SCG5: variants seen among roughly 807,000 people sequenced by gnomAD.
The protein encoded by SCG5 is neuroendocrine protein 7B2.
SCG5 carries 18 observed loss-of-function variants against 25.7 expected under a neutral mutation model. The observed-to-expected ratio is 0.70, with a 90% CI of 0.48 to 1.04. The LOEUF is 1.04. Ranked by LOEUF, SCG5 falls within the 50% of genes least tolerant of loss-of-function variation. SCG5 has a pLI of 0.00. For missense variants in SCG5, 206 were observed against 259.8 expected (o/e 0.79, Z 1.42); for synonymous variants, 101 against 91.7 (o/e 1.10, Z -0.58).
intron 2 of SCG5, chr15:32,669,000 C>G (rs1265681879): frequency 6.6e-6 from 1 of 152,184 alleles, no homozygotes; most frequent in Non-Finnish European, 1.5e-5. Flanking sequence ...TTTTCCTTAC[C>G]TGGGAACCCG....
intron 5 of SCG5, 51 bp downstream of exon 5, chr15:32,691,814 T>G: frequency 6.3e-7 from 1 of 1,599,836 alleles, no homozygotes; most frequent in Non-Finnish European, 8.5e-7. Context: ...GCTTTCTGAG[T>G]GGGGCAGTGA....
chr15:32,650,223 G>A (rs1437207553), intron 2 of SCG5, among the ~76,000 whole-genome samples: 2 of 151,968 alleles, frequency 1.3e-5, no homozygotes, highest in Non-Finnish European at 2.9e-5. Context: ...TCAGCCTCGC[G>A]AGTAGCTGGG....
chr15:32,681,126 T>C (rs1487241459), intron 3 of SCG5, among the ~76,000 whole-genome samples: 1 of 152,174 alleles, frequency 6.6e-6, no homozygotes, highest in Non-Finnish European at 1.5e-5. Flanking sequence ...ATAATGCACC[T>C]CTTACCTTGG....
intron 3 of SCG5, among the ~76,000 whole-genome samples, chr15:32,682,495 C>T (rs576904673): frequency 1.0e-3 from 158 of 152,294 alleles, no homozygotes; most frequent in African/African-American, 3.4e-3. Context: ...AACACAAAAT[C>T]ATACAGACCT....
intron 2 of SCG5, among the ~76,000 whole-genome samples, chr15:32,645,954 G>A (rs2053937186): frequency 6.6e-6 from 1 of 152,076 alleles, no homozygotes; most frequent in Non-Finnish European, 1.5e-5. Context: ...CTGAGTAGCT[G>A]TTTACAGGCG....
intron 1 of SCG5, 64 bp from the exon 2 acceptor site, chr15:32,643,522 A>G: frequency 3.1e-6 from 4 of 1,293,304 alleles, no homozygotes; most frequent in Non-Finnish European, 1.1e-6. Flanking sequence ...TTGCATCATT[A>G]TAATTGTATT....
At chr15:32,643,058 G>A (rs568066677) in intron 1 of SCG5, among the ~76,000 whole-genome samples, 2 of 152,234 alleles carry the variant, frequency 1.3e-5, no homozygotes, top group African/African-American at 2.4e-5. Context: ...TTTCAGGATC[G>A]CAAACGTATT....
At chr15:32,663,565 T>C (rs1269393576) in intron 2 of SCG5, among the ~76,000 whole-genome samples, 3 of 152,112 alleles carry the variant, frequency 2.0e-5, no homozygotes. Flanking sequence ...GAAAACTACG[T>C]AGAACAATAC....
intron 2 of SCG5, among the ~76,000 whole-genome samples, chr15:32,664,607 G>T (rs1293813246): frequency 6.6e-6 from 1 of 152,182 alleles, no homozygotes; most frequent in South Asian, 2.1e-4. Flanking sequence ...GAAAAGTTAG[G>T]TTCCAGGCCT....
intron 4 of SCG5, among the ~76,000 whole-genome samples, chr15:32,690,422 T>G (rs1200290928): frequency 6.6e-6 from 1 of 152,234 alleles, no homozygotes; most frequent in African/African-American, 2.4e-5. Flanking sequence ...AACCACAGAC[T>G]GTAGAGAATG....
At chr15:32,669,973 C>T (rs1218844255) in intron 2 of SCG5, among the ~76,000 whole-genome samples, 1 of 152,152 alleles carries the variant, frequency 6.6e-6, no homozygotes, top group Admixed American at 6.5e-5. Flanking sequence ...AACAACTCTG[C>T]TTGTGATCCT....
At chr15:32,691,839 T>C in intron 5 of SCG5, 76 bp downstream of exon 5, 1 of 1,569,900 alleles carries the variant, frequency 6.4e-7, no homozygotes, top group Non-Finnish European at 8.6e-7. Context: ...GCTGAAACCC[T>C]CGCTTGTTGG....
intron 2 of SCG5, among the ~76,000 whole-genome samples, chr15:32,655,490 C>T (rs1301721092): frequency 6.6e-6 from 1 of 152,108 alleles, no homozygotes; most frequent in East Asian, 1.9e-4. Flanking sequence ...CTGGTGGGTG[C>T]CCCCAAGCTA....
intron 2 of SCG5, among the ~76,000 whole-genome samples, chr15:32,660,355 A>G (rs1221475210): frequency 6.6e-6 from 1 of 152,198 alleles, no homozygotes; most frequent in African/African-American, 2.4e-5. Flanking sequence ...CACCCAGGCC[A>G]TCTTCTGACA....
chr15:32,671,581 G>T (rs931376754), intron 2 of SCG5, among the ~76,000 whole-genome samples: 5 of 152,098 alleles, frequency 3.3e-5, no homozygotes, highest in African/African-American at 7.2e-5. Flanking sequence ...CTGCCTGAGT[G>T]CTTACTGAGA....
In SCG5 at chr15:32,643,805, C is replaced by G. The variant is rs749667874; in HGVS notation, c.213C>G (p.Pro71=). The G allele has an allele frequency of 6.8e-6, 11 of 1,613,440 alleles. No homozygotes were observed. In the South Asian group the frequency reaches 1.2e-4, roughly 18 times the overall value. ...PAHQAMNLVG[P]QSIEGGAHEG... ...ACCAGGCCATGAATCTTGTGGGCCC[C>G]CAGAGCATTGAAGGTATTTACTGTG... The change falls in exon 2 of 6, where the codon CCC becomes CCG. Residue 71 remains proline (P), a synonymous_variant. Coordinates refer to ENST00000300175, the MANE Select transcript of SCG5 (RefSeq NM_001144757.3).
chr15:32,649,117 A>T (rs2053995354), intron 2 of SCG5, among the ~76,000 whole-genome samples: 1 of 151,796 alleles, frequency 6.6e-6, no homozygotes. Context: ...TTTCTTGCTT[A>T]TTGTTTATCT....
At chr15:32,690,807 T>C (rs2054837366) in intron 4 of SCG5, among the ~76,000 whole-genome samples, 1 of 145,560 alleles carries the variant, frequency 6.9e-6, no homozygotes, top group African/African-American at 2.5e-5. Flanking sequence ...GTTGTCTTTG[T>C]TTTTTTTTTT....
At chr15:32,683,854 C>T (rs17816224) in intron 3 of SCG5, among the ~76,000 whole-genome samples, 37,046 of 152,188 alleles carry the variant, frequency 0.24, 5,486 homozygotes, top group Non-Finnish European at 0.34. Flanking sequence ...AATGTACTTT[C>T]TCCAAGAAGC....
Sources: allele counts gnomAD v4.1 joint callset (sites outside exome capture counted in the v4.1 genomes callset), GRCh38; gene constraint gnomAD v4.1.1; transcripts MANE v1.5; gene names NCBI Gene and HGNC (gene_info 2026-07-23, HGNC 2026-07-21).